Variants in SHISA9 observed in about 807,000 individuals in gnomAD.
The protein encoded by SHISA9 is protein shisa-9.
A neutral mutation model predicts 38.0 loss-of-function variants in SHISA9; 13 were observed. That is an observed-to-expected ratio of 0.34 (90% CI 0.22 to 0.54). The LOEUF (loss-of-function observed/expected upper bound fraction) is 0.54, where lower values mean the gene tolerates loss of function less well. Among genes scored for constraint, SHISA9 ranks in the 20% least tolerant of loss-of-function variants. The pLI is 0.91. For missense variants in SHISA9, 538 were observed against 575.8 expected (o/e 0.93, Z 0.67); for synonymous variants, 275 against 242.0 (o/e 1.14, Z -1.27).
At chr16:13,123,574 T>C (rs2050232381) in intron 2 of SHISA9, among the ~76,000 whole-genome samples, 1 of 152,250 alleles carries the variant, frequency 6.6e-6, no homozygotes, top group South Asian at 2.1e-4. Flanking sequence ...GTGGATTCTA[T>C]CTTTGTGAAA....
At chr16:12,932,980 C>G (rs1288420380) in intron 2 of SHISA9, among the ~76,000 whole-genome samples, 1 of 152,012 alleles carries the variant, frequency 6.6e-6, no homozygotes, top group South Asian at 2.1e-4. Flanking sequence ...AAAAGTCCCT[C>G]AAAGGACTTA....
At chr16:13,231,994 G>T (rs1370372790) in intron 4 of SHISA9, among the ~76,000 whole-genome samples, 3 of 152,168 alleles carry the variant, frequency 2.0e-5, no homozygotes, top group Admixed American at 2.0e-4. Context: ...CACCTTCATT[G>T]TTGAAAGGAT....
chr16:13,083,886 A>G (rs2073681763), intron 2 of SHISA9, among the ~76,000 whole-genome samples: 1 of 152,172 alleles, frequency 6.6e-6, no homozygotes, highest in Non-Finnish European at 1.5e-5. Flanking sequence ...CAGGGCACCA[A>G]CGGTATCCAC....
At chr16:13,485,238 G>C in the SHISA9 span, among the ~76,000 whole-genome samples, 5 of 151,470 alleles carry the variant, frequency 3.3e-5, no homozygotes, top group Admixed American at 1.3e-4. Flanking sequence ...TCCCCTCCCT[G>C]TGTCCATGTG....
In SHISA9 at chr16:12,958,904, C is replaced by G. The variant is rs1355038896; in HGVS notation, c.691+42089C>G. Reference sequence around the variant, plus strand: ...ACATCAACAAACAGTATTTTTCTTTCTCCCATGAGAGTTGGGTCTGAGGGT... The same window carrying G: ...ACATCAACAAACAGTATTTTTCTTTGTCCCATGAGAGTTGGGTCTGAGGGT... On this transcript the variant is annotated intron_variant, in intron 2 of 4. Transcript: ENST00000558583. Among the ~76,000 whole-genome samples, 5 of 152,160 alleles carry G rather than the reference C, an allele frequency of 3.3e-5. No individual in the cohort carries two copies. The South Asian group carries it at 6.2e-4, about 19-fold the overall frequency.
chr16:13,332,741 G>C, the SHISA9 span, among the ~76,000 whole-genome samples: 1 of 152,124 alleles, frequency 6.6e-6, no homozygotes, highest in African/African-American at 2.4e-5. Context: ...GACCCCAGGA[G>C]GACTCTCAGG....
intron 2 of SHISA9, among the ~76,000 whole-genome samples, chr16:12,939,715 C>T (rs181182705): frequency 1.3e-5 from 2 of 152,286 alleles, no homozygotes; most frequent in Admixed American, 1.3e-4. Flanking sequence ...CCTGCCTCTC[C>T]CTGTCTATTG....
intron 2 of SHISA9, among the ~76,000 whole-genome samples, chr16:13,191,888 G>A (rs916168040): frequency 6.6e-6 from 1 of 152,170 alleles, no homozygotes; most frequent in African/African-American, 2.4e-5. Flanking sequence ...AAAGACACCA[G>A]TACTTGTATG....
At chr16:12,936,369 C>T (rs187162546) in intron 2 of SHISA9, among the ~76,000 whole-genome samples, 2 of 152,242 alleles carry the variant, frequency 1.3e-5, no homozygotes, top group East Asian at 3.9e-4. Flanking sequence ...GGTCCAATGT[C>T]ATATTCTCTT....
In SHISA9 at chr16:13,215,793, T is replaced by C. The variant is rs145076324; in HGVS notation, c.895+2493T>C. 2.4e-3 allele frequency among the ~76,000 whole-genome samples: 364 copies of C among 152,206 alleles called. 3 individuals carry two copies. The highest frequency in any genetic ancestry group is 8.6e-3 in the African/African-American group (356 of 41,534). On this transcript the variant is annotated intron_variant, in intron 4 of 4. Transcript: ENST00000558583. ...GGGGTCATTGGTCTGCCTCTAGTGT[T>C]CTCTACTCAACCTCTAGACCCAGAC...
At chr16:13,039,140 C>G (rs1277824996) in intron 2 of SHISA9, among the ~76,000 whole-genome samples, 1 of 152,170 alleles carries the variant, frequency 6.6e-6, no homozygotes, top group African/African-American at 2.4e-5. Context: ...AACTCCTGAC[C>G]TCAGGTGATC....
intron 2 of SHISA9, among the ~76,000 whole-genome samples, chr16:13,061,180 A>C (rs1387546042): frequency 6.6e-6 from 1 of 152,166 alleles, no homozygotes; most frequent in Non-Finnish European, 1.5e-5. Context: ...ACGGGGCCTG[A>C]TACGGCTACA....
At chr16:13,417,263 A>G in the SHISA9 span, among the ~76,000 whole-genome samples, 1 of 152,234 alleles carries the variant, frequency 6.6e-6, no homozygotes, top group African/African-American at 2.4e-5. Flanking sequence ...GATATGTTTC[A>G]TATTTTATGA....
At chr16:13,512,816 TTGAAAC>T in the SHISA9 span, among the ~76,000 whole-genome samples, 1 of 151,748 alleles carries the variant, frequency 6.6e-6, no homozygotes, top group Admixed American at 6.6e-5. Flanking sequence ...ATGCAGAAAA[TTGAAAC>T]TGGACCCCAT....
At chr16:13,376,897 G>A in the SHISA9 span, among the ~76,000 whole-genome samples, 5 of 152,154 alleles carry the variant, frequency 3.3e-5, no homozygotes, top group East Asian at 7.7e-4. Context: ...GGCTGGTTTC[G>A]AACTCCTGCA....
chr16:13,086,906 C>T (rs534195329), intron 2 of SHISA9, among the ~76,000 whole-genome samples: 11 of 151,528 alleles, frequency 7.3e-5, no homozygotes, highest in Admixed American at 2.6e-4. Context: ...GTTGGTTTGC[C>T]GCACCCATCA....
the SHISA9 span, among the ~76,000 whole-genome samples, chr16:13,369,810 G>A: frequency 6.6e-5 from 10 of 152,146 alleles, no homozygotes; most frequent in South Asian, 4.2e-4. Flanking sequence ...GGGGCTAGCC[G>A]GGTCAGTGGT....
At chr16:12,909,121 T>G in intron 1 of SHISA9, 1 of 986,200 alleles carries the variant, frequency 1.0e-6, no homozygotes, top group Non-Finnish European at 1.2e-6. Flanking sequence ...TGTGCATGCA[T>G]CTACTGTTGG....
the SHISA9 span, among the ~76,000 whole-genome samples, chr16:13,398,610 G>C: frequency 1.3e-5 from 2 of 150,974 alleles, no homozygotes; most frequent in Admixed American, 6.6e-5. Flanking sequence ...CCTCCGGTTC[G>C]AGCGATTCTC....
Sources: gnomAD v4.1 joint callset for allele counts (sites outside exome capture counted in the v4.1 genomes callset) on GRCh38, gnomAD v4.1.1 for gene constraint, MANE v1.5 for transcripts, NCBI Gene and HGNC (gene_info 2026-07-23, HGNC 2026-07-21) for gene names.